Variants in ZNF300 observed in about 807,000 individuals in gnomAD.
ZNF300 encodes the protein kruppel-like zinc finger protein.
ZNF300 carries 6 observed loss-of-function variants against 13.9 expected under a neutral mutation model. That is an observed-to-expected ratio of 0.43 (90% CI 0.24 to 0.85). The LOEUF is 0.85. Ranked by LOEUF, ZNF300 falls within the 40% of genes least tolerant of loss-of-function variation. The probability of loss-of-function intolerance (pLI) is 0.25; values close to 1 mark genes in which losing one functional copy is unlikely to be tolerated. For missense variants in ZNF300, 662 were observed against 714.2 expected (o/e 0.93, Z 0.83); for synonymous variants, 237 against 242.2 (o/e 0.98, Z 0.20).
At position 150,895,806 on chromosome 5, in the gene ZNF300, G is replaced by A. The variant is rs1754744076; in HGVS notation, c.1433C>T (p.Ser478Leu). The A allele has an allele frequency of 4.3e-6, 7 of 1,613,540 alleles. No individual in the cohort carries two copies. The highest frequency in any genetic ancestry group is 5.9e-6 in the Non-Finnish European group (7 of 1,179,856). The change falls in exon 6 of 6, where the codon TCA becomes TTA. Residue 478 changes from serine (S) to leucine (L), a missense_variant. By Grantham distance (145) the Ser-to-Leu change is moderately radical (BLOSUM62 -2). Transcript: ENST00000274599. The stretch of plus-strand genomic sequence containing the variant: ...TGTTCTCTGATGTATGATGAGCTGT[G>A]ACTTGCGGGAGAATGTCTTTCCACA... ...TECGKTFSRK[S>L]QLIIHQRTHT...
At chr5:150,903,443 T>C (rs1316300729) in intron 2 of ZNF300, 2 of 1,296,748 alleles carry the variant, frequency 1.5e-6, no homozygotes, top group East Asian at 2.5e-5. Context: ...TGTGAAGATA[T>C]GTTTCCAGTT....
intron 3 of ZNF300, among the ~76,000 whole-genome samples, chr5:150,901,721 C>T (rs1017605563): frequency 3.9e-5 from 6 of 151,958 alleles, no homozygotes; most frequent in African/African-American, 1.4e-4. Context: ...GGTTTTTACT[C>T]AATTCTCACA....
chr5:150,896,138 G>A lies in ZNF300; in HGVS notation c.1101C>T (p.Pro367=). 6.2e-7 allele frequency: 1 copy of A among 1,613,180 alleles called. No homozygotes were observed. ...ECGKAFSQKS[P]LIIHQRIHTG... is the part of the protein sequence containing the mutation. Reference sequence around the variant, plus strand: ...TATGTATTCTCTGATGTATAATGAGGGGTGATTTCTGGGAGAAGGCTTTCC... The same window carrying A: ...TATGTATTCTCTGATGTATAATGAGAGGTGATTTCTGGGAGAAGGCTTTCC... The change falls in exon 6 of 6, where the codon CCC becomes CCT. Residue 367 remains proline (P), a synonymous_variant. Coordinates refer to ENST00000274599, the MANE Select transcript of ZNF300 (RefSeq NM_052860.4).
Position 150,896,446 on chromosome 5 carries a change from T to A in ZNF300, c.793A>T (p.Lys265Ter), listed in dbSNP as rs747247828. 1.5e-5 allele frequency: 25 copies of A among 1,613,538 alleles called. No homozygotes were observed. Among genetic ancestry groups the A allele is most frequent in the African/African-American group, 2.7e-5 (2 of 74,900 alleles). Residue 265 changes from lysine (K) to a stop codon, truncating the protein, a stop_gained, in exon 6 of 6, where the codon AAA becomes TAA. Transcript: ENST00000274599. LOFTEE classifies it low-confidence loss of function (END_TRUNC). ...SLIQYQNVETKEKSCVCVTCG... is the reference protein window; with the variant it reads ...SLIQYQNVET ...GTAACACATACACAGCTTTTCTCTTTAGTTTCCACATTCTGATATTGAATA... is the reference window on the plus strand; with the variant it reads ...GTAACACATACACAGCTTTTCTCTTAAGTTTCCACATTCTGATATTGAATA...
chr5:150,895,750 C>T lies in ZNF300; in HGVS notation c.1489G>A (p.Glu497Lys). 3.7e-6 allele frequency: 6 copies of T among 1,613,596 alleles called. No homozygotes were observed. The highest frequency in any genetic ancestry group is 5.1e-6 in the Non-Finnish European group (6 of 1,179,822). ...HTGEKPYKCS[E>K]CGKAFCQKSH... is the part of the protein sequence containing the mutation. The stretch of plus-strand genomic sequence containing the variant: ...TTCTGGCAGAAGGCTTTGCCACATT[C>T]ACTACATTTATAGGGTTTTTCTCCA... Residue 497 changes from glutamate (E) to lysine (K), a missense_variant, in exon 6 of 6, where the codon GAA (glutamate) becomes AAA (lysine). Glu to Lys is a moderately conservative substitution (Grantham distance 56). Transcript: ENST00000274599.
rs75003995 is a variant in ZNF300, at chr5:150,901,271, T to C, written c.15+1870A>G. Reference sequence around the variant, plus strand: ...GCTAACCAGATAGGTAAGTTTACATTTTCTAGGAACCACATTCAAAAAATT... The same window carrying C: ...GCTAACCAGATAGGTAAGTTTACATCTTCTAGGAACCACATTCAAAAAATT... On this transcript the variant is annotated intron_variant, in intron 3 of 5. Transcript: ENST00000274599. Among the ~76,000 whole-genome samples the C allele has an allele frequency of 2.0e-3, 312 of 152,240 alleles. 1 individual carries two copies. The highest frequency in any genetic ancestry group is 6.9e-3 in the African/African-American group (285 of 41,572).
Position 150,896,702 on chromosome 5 carries a change from T to C in ZNF300, c.537A>G (p.Ile179Met), listed in dbSNP as rs752873774. The C allele has an allele frequency of 1.2e-6, 2 of 1,613,580 alleles. No individual in the cohort carries two copies. The highest frequency in any genetic ancestry group is 3.3e-5 in the Admixed American group (2 of 59,884). The change falls in exon 6 of 6, where the codon ATA becomes ATG. Residue 179 changes from isoleucine to methionine, a missense_variant. By Grantham distance (10) the Ile-to-Met change is conservative. Transcript: ENST00000274599. Reference sequence around the variant, plus strand: ...CATATTTATGGAATCTCTGTATTGATATATCTGTTTCTATGCACTCTTGAA... The same window carrying C: ...CATATTTATGGAATCTCTGTATTGACATATCTGTTTCTATGCACTCTTGAA... ...KIFQECIETD[I>M]SIQRFHKYDA...
In ZNF300 at chr5:150,895,608, G is replaced by A; in HGVS notation, c.1631C>T (p.Thr544Ile). The change falls in exon 6 of 6, where the codon ACA (threonine) becomes ATA (isoleucine). Residue 544 changes from threonine (T) to isoleucine (I), a missense_variant. Physicochemically the swap from Thr to Ile is moderately conservative, Grantham distance 89. Transcript: ENST00000274599. Reference sequence around the variant, plus strand: ...AGCACATATGTAAGGTTTCTCTCCTGTATGAATTCGCTGGTGTCCCGGAAG... The same window carrying A: ...AGCACATATGTAAGGTTTCTCTCCTATATGAATTCGCTGGTGTCCCGGAAG... ...SHLPGHQRIH[T>I]GEKPYICAEC... 1.2e-6 allele frequency: 2 copies of A among 1,613,414 alleles called. No homozygotes were observed. Among genetic ancestry groups the A allele is most frequent in the Non-Finnish European group, 1.7e-6 (2 of 1,179,668 alleles).
chr5:150,903,323 C>G (rs1213684253), intron 2 of ZNF300, 141 bp from the exon 3 acceptor site: 1 of 1,565,384 alleles, frequency 6.4e-7, no homozygotes, highest in South Asian at 1.2e-5. Context: ...GTTGTTTGAG[C>G]CTTACAGAAG....
rs772495156 is a variant in ZNF300, at chr5:150,898,054, T to G, written c.265+8A>C. Reference sequence around the variant, plus strand: ...AATTAAAAAAACATAAATTGATATTTCACTTCCCTTGTCTCCCATCTGCCT... The same window carrying G: ...AATTAAAAAAACATAAATTGATATTGCACTTCCCTTGTCTCCCATCTGCCT... On this transcript the variant is annotated splice_region_variant and intron_variant, in intron 5 of 5. Transcript: ENST00000274599. 2.4e-5 allele frequency: 38 copies of G among 1,606,444 alleles called. No individual in the cohort carries two copies. In the South Asian group the frequency reaches 3.8e-4, roughly 16 times the overall value.
At chr5:150,902,602 C>G (rs1159255574) in intron 3 of ZNF300, among the ~76,000 whole-genome samples, 1 of 152,182 alleles carries the variant, frequency 6.6e-6, no homozygotes, top group Non-Finnish European at 1.5e-5. Context: ...CATGGCTGTG[C>G]TCCATAAAAC....
In ZNF300 at chr5:150,896,705, A is replaced by C. The variant is rs1156911016; in HGVS notation, c.534T>G (p.Asp178Glu). 3.7e-6 allele frequency: 6 copies of C among 1,613,504 alleles called. No homozygotes were observed. Among genetic ancestry groups the C allele is most frequent in the Non-Finnish European group, 1.7e-6 (2 of 1,179,724 alleles). Residue 178 changes from aspartate to glutamate, a missense_variant, in exon 6 of 6, where the codon GAT becomes GAG. Transcript: ENST00000274599. ...GKIFQECIET[D>E]ISIQRFHKYD... ...ATTTATGGAATCTCTGTATTGATATATCTGTTTCTATGCACTCTTGAAATA... is the reference window on the plus strand; with the variant it reads ...ATTTATGGAATCTCTGTATTGATATCTCTGTTTCTATGCACTCTTGAAATA...
chr5:150,903,117 T>G lies in ZNF300; in HGVS notation c.15+24A>C, dbSNP rs375047523. 7 of 1,598,608 alleles carry G rather than the reference T, an allele frequency of 4.4e-6. No homozygotes were observed. In the African/African-American group the frequency reaches 9.5e-5, roughly 22 times the overall value. On this transcript the variant is annotated intron_variant, in intron 3 of 5. Transcript: ENST00000274599. ...GTATGAAAAACCAAAGAAGAATTTT[T>G]TTTTTTTTTAAAAAGCAACTCACCT...
Position 150,895,461 on chromosome 5 carries a change from G to A in ZNF300, c.1778C>T (p.Thr593Ile). The A allele has an allele frequency of 6.2e-7, 1 of 1,612,076 alleles. No individual in the cohort carries two copies. The change falls in exon 6 of 6, where the codon ACT becomes ATT. Residue 593 changes from threonine to isoleucine, a missense_variant. Coordinates refer to ENST00000274599, the MANE Select transcript of ZNF300 (RefSeq NM_052860.4). ...GKAFIQKSQL[T>I]VHQRIHTVVK... ...CACTGTGTGAATTCTCTGGTGTACA[G>A]TTAGTTGTGACTTCTGGATGAAGGC...
chr5:150,900,438 T>C (rs1007216071), intron 3 of ZNF300, among the ~76,000 whole-genome samples: 3 of 152,092 alleles, frequency 2.0e-5, no homozygotes, highest in African/African-American at 7.2e-5. Context: ...CCTACTTCCT[T>C]AGAAATCTGG....
At chr5:150,903,006 C>T in intron 3 of ZNF300, 135 bp downstream of exon 3, 1 of 900,106 alleles carries the variant, frequency 1.1e-6, no homozygotes, top group Non-Finnish European at 1.7e-6. Context: ...TACATATTAC[C>T]TAGAAACTCT....
intron 3 of ZNF300, among the ~76,000 whole-genome samples, chr5:150,902,385 CCTAT>C (rs1270805335): frequency 6.6e-6 from 1 of 152,082 alleles, no homozygotes; most frequent in Non-Finnish European, 1.5e-5. Context: ...TCAAAATGTG[CCTAT>C]CTTACGTTAA....
At position 150,896,571 on chromosome 5, in the gene ZNF300, C is replaced by A; in HGVS notation, c.668G>T (p.Ser223Ile). The change falls in exon 6 of 6, where the codon AGC becomes ATC. Residue 223 changes from serine (S) to isoleucine (I), a missense_variant. Transcript: ENST00000274599. ...DQSFGGGKSS[S>I]QSEPNSNLEK... is the part of the protein sequence containing the mutation. ...AAGATTAGAATTGGGCTCACTCTGGCTAGATGATTTTCCACCTCCAAAACT... is the reference window on the plus strand; with the variant it reads ...AAGATTAGAATTGGGCTCACTCTGGATAGATGATTTTCCACCTCCAAAACT... 6.2e-7 allele frequency: 1 copy of A among 1,613,710 alleles called. No homozygotes were observed. Among genetic ancestry groups the A allele is most frequent in the Non-Finnish European group, 8.5e-7 (1 of 1,179,832 alleles).
chr5:150,904,394 C>A (rs1363341563), intron 1 of ZNF300, among the ~76,000 whole-genome samples: 1 of 151,922 alleles, frequency 6.6e-6, no homozygotes, highest in African/African-American at 2.4e-5. Context: ...CTACTGAACT[C>A]CCCCATGTCC....
Sources: gnomAD v4.1 joint callset for allele counts (sites outside exome capture counted in the v4.1 genomes callset) on GRCh38, gnomAD v4.1.1 for gene constraint, MANE v1.5 for transcripts, NCBI Gene and HGNC (gene_info 2026-07-23, HGNC 2026-07-21) for gene names.